Variants in MACROD2 observed in about 807,000 individuals in gnomAD.
MACROD2 encodes mono-ADP ribosylhydrolase 2.
Under a neutral mutation model 70.4 loss-of-function variants are expected in MACROD2, and 36 were observed. That is an observed-to-expected ratio of 0.51 (90% CI 0.39 to 0.68). The LOEUF (loss-of-function observed/expected upper bound fraction) is 0.68. Ranked by LOEUF, MACROD2 falls within the 30% of genes least tolerant of loss-of-function variation. The pLI is 0.00. For synonymous variants in MACROD2, 172 were observed against 178.8 expected (o/e 0.96, Z 0.30); for missense variants, 496 against 538.4 (o/e 0.92, Z 0.78).
At chr20:15,229,841 G>C in intron 5 of MACROD2, 99 bp from the exon 6 acceptor site, 1 of 1,237,154 alleles carries the variant, frequency 8.1e-7, no homozygotes, top group Non-Finnish European at 1.1e-6. Context: ...TTGTCTCCAG[G>C]CTCTAACACA....
chr20:15,975,694 A>G (rs914734521), intron 13 of MACROD2, among the ~76,000 whole-genome samples: 6 of 152,238 alleles, frequency 3.9e-5, no homozygotes, highest in African/African-American at 1.4e-4. Flanking sequence ...GAGAAATATG[A>G]CAACTCACAA....
At chr20:14,727,931 G>C (rs893436078) in intron 5 of MACROD2, among the ~76,000 whole-genome samples, 3 of 152,122 alleles carry the variant, frequency 2.0e-5, no homozygotes, top group East Asian at 1.9e-4. Flanking sequence ...GGATTTAAAG[G>C]CTCTTGTGCA....
rs189292678 is a variant in MACROD2, at chr20:14,091,839, A to G, written c.271+6111A>G. Reference sequence around the variant, plus strand: ...CCAGAGTTTGTTCAACCATTCACCCATTGAGGGACATTTGGATTCTTTTCA... The same window carrying G: ...CCAGAGTTTGTTCAACCATTCACCCGTTGAGGGACATTTGGATTCTTTTCA... On this transcript the variant is annotated intron_variant, in intron 3 of 17. Coordinates refer to ENST00000684519, the MANE Select transcript of MACROD2 (RefSeq NM_001351661.2). 2.0e-4 allele frequency among the ~76,000 whole-genome samples: 30 copies of G among 152,240 alleles called. No homozygotes were observed. In the East Asian group the frequency reaches 5.0e-3, roughly 25 times the overall value.
intron 5 of MACROD2, among the ~76,000 whole-genome samples, chr20:14,707,552 C>A (rs1035303053): frequency 5.9e-5 from 9 of 152,262 alleles, no homozygotes; most frequent in African/African-American, 2.2e-4. Flanking sequence ...CCTCCCAGTG[C>A]TGTAGAGTGT....
chr20:15,452,625 G>A (rs1183442674), intron 7 of MACROD2, among the ~76,000 whole-genome samples: 3 of 152,088 alleles, frequency 2.0e-5, no homozygotes, highest in African/African-American at 7.2e-5. Context: ...GAATAATAAC[G>A]CTGCCTCTGT....
In MACROD2 at chr20:15,310,706, ATCT is replaced by A. The variant is rs2146146108; in HGVS notation, c.540+80647_540+80649del. 1.3e-5 allele frequency among the ~76,000 whole-genome samples: 2 copies of A among 152,274 alleles called. 1 individual carries two copies. The highest frequency in any genetic ancestry group is 4.1e-4 in the South Asian group (2 of 4,826). ...GAGTTAGATCCTCAGTGATTCCAAG[ATCT>A]TGCAGAAACAGAGAAGTCCTCAGAT... On this transcript the variant is annotated intron_variant, in intron 6 of 17. Transcript: ENST00000684519.
Position 14,467,576 on chromosome 20 carries a change from G to A in MACROD2, c.272-25903G>A, listed in dbSNP as rs1428641273. On this transcript the variant is annotated intron_variant, in intron 3 of 17. Transcript: ENST00000684519. Reference sequence around the variant, plus strand: ...ACTGTCTGGCACTCCCCAGTGAGGTGAACCCGGTTGGAAATGCAGAAATCA... The same window carrying A: ...ACTGTCTGGCACTCCCCAGTGAGGTAAACCCGGTTGGAAATGCAGAAATCA... Among the ~76,000 whole-genome samples the A allele has an allele frequency of 2.0e-5, 3 of 152,044 alleles. No individual in the cohort carries two copies. The East Asian group carries it at 5.8e-4, about 29-fold the overall frequency.
At chr20:14,079,061 AT>A (rs2053954562) in intron 2 of MACROD2, among the ~76,000 whole-genome samples, 1 of 152,180 alleles carries the variant, frequency 6.6e-6, no homozygotes, top group Non-Finnish European at 1.5e-5. Context: ...CACCAGTTTT[AT>A]CATTTTTATA....
intron 8 of MACROD2, among the ~76,000 whole-genome samples, chr20:15,549,472 C>T (rs1023902461): frequency 6.6e-6 from 1 of 152,152 alleles, no homozygotes; most frequent in Non-Finnish European, 1.5e-5. Flanking sequence ...CTATATACTC[C>T]TAGTTTAGGT....
chr20:15,964,826 G>A (rs1410884890), intron 12 of MACROD2, among the ~76,000 whole-genome samples: 2 of 152,118 alleles, frequency 1.3e-5, no homozygotes, highest in African/African-American at 2.4e-5. Context: ...ATCTTCCATA[G>A]GTACCTGCTT....
At chr20:14,862,483 ATAAAT>A (rs2073363295) in intron 5 of MACROD2, among the ~76,000 whole-genome samples, 1 of 39,462 alleles carries the variant, frequency 2.5e-5, no homozygotes, top group African/African-American at 9.1e-5. Context: ...ATAAATATAT[ATAAAT>A]ATATATATAA....
chr20:14,125,255 T>C (rs967715478), intron 3 of MACROD2, among the ~76,000 whole-genome samples: 3 of 152,192 alleles, frequency 2.0e-5, no homozygotes, highest in African/African-American at 7.2e-5. Flanking sequence ...TTGAATGTTC[T>C]ACATACAACT....
At chr20:16,049,747 G>T in intron 17 of MACROD2, 83 bp from the exon 18 acceptor site, 2 of 1,383,426 alleles carry the variant, frequency 1.4e-6, no homozygotes, top group Non-Finnish European at 1.0e-6. Context: ...ACATTTAAAT[G>T]GCTGTATTAA....
chr20:15,824,206 A>C (rs1448242945), intron 8 of MACROD2, among the ~76,000 whole-genome samples: 1 of 151,838 alleles, frequency 6.6e-6, no homozygotes, highest in Non-Finnish European at 1.5e-5. Context: ...TGGTGATTTC[A>C]TTGAGCCCAC....
At chr20:15,735,049 C>T (rs545828410) in intron 8 of MACROD2, among the ~76,000 whole-genome samples, 1 of 152,214 alleles carries the variant, frequency 6.6e-6, no homozygotes, top group South Asian at 2.1e-4. Flanking sequence ...CAACCTCCAC[C>T]TCCCAGGTTC....
At chr20:15,175,434 T>C (rs2145894313) in intron 5 of MACROD2, among the ~76,000 whole-genome samples, 1 of 151,842 alleles carries the variant, frequency 6.6e-6, no homozygotes, top group East Asian at 1.9e-4. Flanking sequence ...ATAATAATAA[T>C]AAAAATAAAA....
chr20:15,243,793 G>A (rs574788953), intron 6 of MACROD2, among the ~76,000 whole-genome samples: 3 of 151,504 alleles, frequency 2.0e-5, no homozygotes, highest in Non-Finnish European at 4.4e-5. Flanking sequence ...GGGCGTAGTG[G>A]CGGGTGCCTG....
intron 2 of MACROD2, among the ~76,000 whole-genome samples, chr20:14,015,290 A>G (rs1248338201): frequency 6.6e-6 from 1 of 152,206 alleles, no homozygotes; most frequent in Admixed American, 6.5e-5. Flanking sequence ...ATTCCCAGAT[A>G]GAAACTTTGA....
chr20:14,343,587 GTGCTT>G (rs2083036959), intron 3 of MACROD2, among the ~76,000 whole-genome samples: 1 of 152,190 alleles, frequency 6.6e-6, no homozygotes. Flanking sequence ...ATTGAACTGT[GTGCTT>G]TAACAATTTA....
Sources: allele counts gnomAD v4.1 joint callset (sites outside exome capture counted in the v4.1 genomes callset), GRCh38; gene constraint gnomAD v4.1.1; transcripts MANE v1.5; gene names NCBI Gene and HGNC (gene_info 2026-07-23, HGNC 2026-07-21).